PTPN3: variants seen among roughly 807,000 people sequenced by gnomAD.
PTPN3 encodes the protein protein tyrosine phosphatase non-receptor type 3, also known as tyrosine-protein phosphatase non-receptor type 3.
PTPN3 carries 96 observed loss-of-function variants against 132.7 expected under a neutral mutation model. That is an observed-to-expected ratio of 0.72 (90% CI 0.61 to 0.86). The LOEUF is 0.86. Among genes scored for constraint, PTPN3 ranks in the 40% least tolerant of loss-of-function variants. The pLI, the probability that PTPN3 is intolerant of heterozygous loss-of-function variation, is 0.00. For synonymous variants in PTPN3, 398 were observed against 429.0 expected, an observed-to-expected ratio of 0.93 and a Z score of 0.89; for missense variants, 1,125 against 1,159.6, an observed-to-expected ratio of 0.97 and a Z score of 0.43.
the PTPN3 span, among the ~76,000 whole-genome samples, chr9:109,505,887 C>T: frequency 6.6e-6 from 1 of 151,866 alleles, no homozygotes; most frequent in Non-Finnish European, 1.5e-5. Flanking sequence ...GTAGCTGGGA[C>T]TACAGGAGCC....
intron 12 of PTPN3, among the ~76,000 whole-genome samples, chr9:109,425,830 A>G (rs567646469): frequency 9.0e-4 from 136 of 151,098 alleles, no homozygotes; most frequent in African/African-American, 3.2e-3. Flanking sequence ...CTGGCCAACC[A>G]TGGTGAAACC....
At chr9:109,515,029 GT>G in the PTPN3 span, among the ~76,000 whole-genome samples, 46 of 147,312 alleles carry the variant, frequency 3.1e-4, no homozygotes, top group Non-Finnish European at 3.5e-4. Context: ...GATACAAGAG[GT>G]TTTTTTTTTT....
At chr9:109,448,711 G>A in intron 6 of PTPN3, 100 bp downstream of exon 6, 1 of 1,208,956 alleles carries the variant, frequency 8.3e-7, no homozygotes, top group Non-Finnish European at 1.2e-6. Context: ...CATCCACTCT[G>A]TTTAGATTTG....
At chr9:109,393,384 C>CTTTTTTTTT (rs929613549) in intron 19 of PTPN3, among the ~76,000 whole-genome samples, 1 of 119,910 alleles carries the variant, frequency 8.3e-6, no homozygotes, top group Non-Finnish European at 1.8e-5. Flanking sequence ...TTTTTTTTGT[C>CTTTTTTTTT]TTTTTTTTTT....
At chr9:109,423,211 T>G (rs1588395181) in intron 12 of PTPN3, among the ~76,000 whole-genome samples, 1 of 152,214 alleles carries the variant, frequency 6.6e-6, no homozygotes, top group East Asian at 1.9e-4. Flanking sequence ...AGTAAAAATA[T>G]TAACCATTTT....
rs1839868845 is a variant in PTPN3, at chr9:109,389,354, A to G, written c.2132T>C (p.Val711Ala). The G allele has an allele frequency of 1.2e-6, 2 of 1,613,646 alleles. No homozygotes were observed. Among genetic ancestry groups the G allele is most frequent in the Non-Finnish European group, 8.5e-7 (1 of 1,179,882 alleles). Residue 711 changes from valine to alanine, a missense_variant, in exon 22 of 26, where the codon GTG becomes GCG. By Grantham distance (64) the Val-to-Ala change is moderately conservative (BLOSUM62 0). Coordinates refer to ENST00000374541, the MANE Select transcript of PTPN3 (RefSeq NM_002829.4). ...CCCCTGAGTGGCGATGTACTTGTTC[A>G]CAAGGTTAGCAGCAGGAATTTCCAT... is the stretch of plus-strand genomic sequence containing the variant. ...VNMEIPAANL[V>A]NKYIATQGPL... is the part of the protein sequence containing the mutation.
chr9:109,381,802 G>C lies in PTPN3; in HGVS notation c.2529-15C>G, dbSNP rs753601352. 9.3e-6 allele frequency: 15 copies of C among 1,614,062 alleles called. No homozygotes were observed. The highest frequency in any genetic ancestry group is 1.7e-5 in the Admixed American group (1 of 60,010). Reference sequence around the variant, plus strand: ...CTATTCCAGCACTGGAGAGGGGAGAGAAGACAGACTTGGGATTTGTCTGAG... The same window carrying C: ...CTATTCCAGCACTGGAGAGGGGAGACAAGACAGACTTGGGATTTGTCTGAG... On this transcript the variant is annotated splice_polypyrimidine_tract_variant and intron_variant, in intron 24 of 25. Transcript: ENST00000374541.
At chr9:109,416,496 A>G (rs1842509489) in intron 14 of PTPN3, among the ~76,000 whole-genome samples, 1 of 146,378 alleles carries the variant, frequency 6.8e-6, no homozygotes, top group African/African-American at 2.5e-5. Flanking sequence ...CCCAGCCTGG[A>G]GTGCAGGGGT....
At chr9:109,408,796 A>AAAATATATATATATATATAT (rs1377996219) in intron 16 of PTPN3, among the ~76,000 whole-genome samples, 2 of 108,374 alleles carry the variant, frequency 1.8e-5, no homozygotes, top group African/African-American at 7.4e-5. Flanking sequence ...AAAAAAAAAA[A>AAAATATATATATATATATAT]ATATATATAT....
At chr9:109,510,555 T>C in the PTPN3 span, among the ~76,000 whole-genome samples, 2 of 52,224 alleles carry the variant, frequency 3.8e-5, no homozygotes, top group African/African-American at 1.7e-4. Flanking sequence ...CGAAACTTTG[T>C]CTTAAAAAAA....
At chr9:109,483,359 C>T (rs1847054400) in intron 1 of PTPN3, among the ~76,000 whole-genome samples, 1 of 152,228 alleles carries the variant, frequency 6.6e-6, no homozygotes, top group Non-Finnish European at 1.5e-5. Flanking sequence ...ACAGGCTTTA[C>T]TCATTCTTCC....
intron 1 of PTPN3, among the ~76,000 whole-genome samples, chr9:109,481,831 G>T (rs998326659): frequency 6.6e-5 from 10 of 152,224 alleles, no homozygotes; most frequent in African/African-American, 2.4e-4. Context: ...GCAGATGGGT[G>T]GGCACTGCCT....
At chr9:109,468,018 C>G (rs1482188286) in intron 1 of PTPN3, among the ~76,000 whole-genome samples, 1 of 152,144 alleles carries the variant, frequency 6.6e-6, no homozygotes, top group Non-Finnish European at 1.5e-5. Context: ...GTTGAATAAC[C>G]CAATAATTGA....
chr9:109,417,897 G>T (rs908209273), intron 14 of PTPN3: 2 of 619,090 alleles, frequency 3.2e-6, no homozygotes, highest in Non-Finnish European at 2.0e-6. Context: ...GTCTCAAGGA[G>T]GGGTTTCAAG....
Position 109,433,766 on chromosome 9 carries a change from G to T in PTPN3, c.676-605C>A, listed in dbSNP as rs183177572. On this transcript the variant is annotated intron_variant, in intron 9 of 25. Transcript: ENST00000374541. Reference sequence around the variant, plus strand: ...ACAAAACAATACAAAAAATTAGGTGGGTGTGGTAGCATACGCCTGTAGTCC... The same window carrying T: ...ACAAAACAATACAAAAAATTAGGTGTGTGTGGTAGCATACGCCTGTAGTCC... Among the ~76,000 whole-genome samples, 501 of 152,136 alleles carry T rather than the reference G, an allele frequency of 3.3e-3. 2 individuals carry two copies. Among genetic ancestry groups the T allele is most frequent in the African/African-American group, 0.012 (480 of 41,516 alleles).
intron 19 of PTPN3, chr9:109,392,582 G>A (rs1364457660): frequency 6.6e-6 from 1 of 152,140 alleles, no homozygotes; most frequent in African/African-American, 2.4e-5. Flanking sequence ...AGCAAAAAAT[G>A]AGATTGAACA....
At chr9:109,473,297 C>A (rs569310086) in intron 1 of PTPN3, among the ~76,000 whole-genome samples, 9 of 152,122 alleles carry the variant, frequency 5.9e-5, no homozygotes, top group African/African-American at 2.2e-4. Context: ...CTGGGAAGCC[C>A]GGGTGGAGTC....
At chr9:109,471,832 C>G (rs956446517) in intron 1 of PTPN3, among the ~76,000 whole-genome samples, 1 of 152,120 alleles carries the variant, frequency 6.6e-6, no homozygotes, top group Non-Finnish European at 1.5e-5. Context: ...ATAAATACCC[C>G]CTGACCCTCA....
chr9:109,515,994 A>T, the PTPN3 span, among the ~76,000 whole-genome samples: 1 of 152,204 alleles, frequency 6.6e-6, no homozygotes, highest in Non-Finnish European at 1.5e-5. Flanking sequence ...TCCTAGAGGG[A>T]TGGGTTTGCT....
Sources: gnomAD v4.1 joint callset for allele counts (sites outside exome capture counted in the v4.1 genomes callset) on GRCh38, gnomAD v4.1.1 for gene constraint, MANE v1.5 for transcripts, NCBI Gene and HGNC (gene_info 2026-07-23, HGNC 2026-07-21) for gene names.